The following GRIK4 variants were observed in gnomAD, a reference collection of about 807,000 sequenced individuals.
GRIK4 encodes the protein glutamate receptor ionotropic, kainate 4.
GRIK4 carries 40 observed loss-of-function variants against 104.9 expected under a neutral mutation model. The observed-to-expected ratio is 0.38, with a 90% confidence interval of 0.30 to 0.50. The LOEUF is 0.50. GRIK4 is among the 20% of genes least tolerant of loss of function. The pLI is 0.93. For synonymous variants in GRIK4, 485 were observed against 524.9 expected, an observed-to-expected ratio of 0.92 and a Z score of 1.04; for missense variants, 1,047 against 1,308.1, an observed-to-expected ratio of 0.80 and a Z score of 3.08.
At chr11:120,572,064 C>T (rs528369482) in intron 1 of GRIK4, among the ~76,000 whole-genome samples, 10 of 152,156 alleles carry the variant, frequency 6.6e-5, no homozygotes, top group African/African-American at 9.7e-5. Flanking sequence ...ATCAAGATGC[C>T]GGCGGATCCA....
At chr11:120,665,484 A>T (rs1434628616) in intron 3 of GRIK4, among the ~76,000 whole-genome samples, 1 of 152,196 alleles carries the variant, frequency 6.6e-6, no homozygotes, top group African/African-American at 2.4e-5. Flanking sequence ...TAAGCACCTT[A>T]GGGAGGCTGT....
chr11:120,921,601 C>T (rs1250137911), intron 13 of GRIK4, among the ~76,000 whole-genome samples: 2 of 151,728 alleles, frequency 1.3e-5, no homozygotes, highest in East Asian at 1.9e-4. Flanking sequence ...CCCTGCCTCC[C>T]GCTCCTGCCT....
chr11:120,804,850 C>G (rs1401636890), intron 4 of GRIK4, among the ~76,000 whole-genome samples: 2 of 152,166 alleles, frequency 1.3e-5, no homozygotes, highest in Non-Finnish European at 2.9e-5. Context: ...CTAATAACTA[C>G]TCTTGGAGAG....
intron 3 of GRIK4, among the ~76,000 whole-genome samples, chr11:120,773,260 T>G (rs990488806): frequency 6.6e-6 from 1 of 152,328 alleles, no homozygotes; most frequent in East Asian, 1.9e-4. Flanking sequence ...ATGTTCTGCC[T>G]CAAGAAGCTT....
chr11:120,772,929 T>C (rs1951975391), intron 3 of GRIK4, among the ~76,000 whole-genome samples: 1 of 152,142 alleles, frequency 6.6e-6, no homozygotes, highest in Non-Finnish European at 1.5e-5. Flanking sequence ...TGGCCAATAT[T>C]ACTATGCTAG....
At chr11:120,744,326 G>A (rs998065867) in intron 3 of GRIK4, among the ~76,000 whole-genome samples, 1 of 152,112 alleles carries the variant, frequency 6.6e-6, no homozygotes, top group African/African-American at 2.4e-5. Flanking sequence ...GGGCCTGGAC[G>A]CTGGGCACAG....
At chr11:120,834,759 CA>C (rs1370719343) in intron 7 of GRIK4, among the ~76,000 whole-genome samples, 1 of 152,198 alleles carries the variant, frequency 6.6e-6, no homozygotes, top group Admixed American at 6.5e-5. Flanking sequence ...GCGGCTGTTC[CA>C]GCAACGAACT....
intron 3 of GRIK4, among the ~76,000 whole-genome samples, chr11:120,791,575 A>G (rs775377885): frequency 1.9e-4 from 29 of 152,150 alleles, no homozygotes; most frequent in Non-Finnish European, 3.2e-4. Flanking sequence ...TTTCATTCCA[A>G]TCTTTTGAAG....
At chr11:120,762,761 A>G (rs1018684841) in intron 3 of GRIK4, among the ~76,000 whole-genome samples, 1 of 152,116 alleles carries the variant, frequency 6.6e-6, no homozygotes, top group Non-Finnish European at 1.5e-5. Context: ...CATATATTGA[A>G]CCAGCCTTGC....
At chr11:120,688,969 C>A (rs893175121) in intron 3 of GRIK4, among the ~76,000 whole-genome samples, 1 of 151,822 alleles carries the variant, frequency 6.6e-6, no homozygotes, top group African/African-American at 2.4e-5. Flanking sequence ...AGATAAAGAC[C>A]AAAGTCCTAC....
intron 3 of GRIK4, among the ~76,000 whole-genome samples, chr11:120,713,480 A>G (rs1337938951): frequency 1.3e-5 from 2 of 152,280 alleles, no homozygotes; most frequent in South Asian, 4.1e-4. Flanking sequence ...CTCTTCAGTC[A>G]TTGTCATGTT....
chr11:120,862,479 A>G (rs991056431), intron 9 of GRIK4, among the ~76,000 whole-genome samples: 1 of 152,162 alleles, frequency 6.6e-6, no homozygotes, highest in Non-Finnish European at 1.5e-5. Flanking sequence ...TTTTTCAGAT[A>G]AGGAAACTAA....
intron 3 of GRIK4, among the ~76,000 whole-genome samples, chr11:120,698,816 A>G (rs1950501069): frequency 6.6e-6 from 1 of 152,154 alleles, no homozygotes; most frequent in South Asian, 2.1e-4. Flanking sequence ...GAGGCATAAC[A>G]CAGATCTTAG....
At chr11:120,601,432 A>G (rs1436667386) in intron 1 of GRIK4, among the ~76,000 whole-genome samples, 3 of 151,988 alleles carry the variant, frequency 2.0e-5, no homozygotes, top group African/African-American at 7.2e-5. Flanking sequence ...AAACCCCAAA[A>G]GAACCTTGTC....
intron 1 of GRIK4, among the ~76,000 whole-genome samples, chr11:120,573,021 A>G (rs760295648): frequency 6.6e-6 from 1 of 152,130 alleles, no homozygotes; most frequent in African/African-American, 2.4e-5. Context: ...TCTTTTATTG[A>G]TCTAATACAG....
At position 120,558,717 on chromosome 11, in the gene GRIK4, A is replaced by G. The variant is rs147245845; in HGVS notation, c.-159+46830A>G. ...ACAACATAAATGATGGAAAATTAAC[A>G]AAGTGAGTAGATTATATACAAGTGA... On this transcript the variant is annotated intron_variant, in intron 1 of 20. Transcript: ENST00000527524. Among the ~76,000 whole-genome samples, 157 of 152,364 alleles carry G rather than the reference A, an allele frequency of 1.0e-3. 3 individuals are homozygous for G. The East Asian group carries it at 0.027, about 26-fold the overall frequency.
At chr11:120,915,587 G>A (rs967554840) in intron 13 of GRIK4, among the ~76,000 whole-genome samples, 7 of 152,106 alleles carry the variant, frequency 4.6e-5, no homozygotes, top group South Asian at 4.2e-4. Flanking sequence ...CCCTACCTGC[G>A]CTCGGTGGAG....
intron 11 of GRIK4, among the ~76,000 whole-genome samples, chr11:120,891,107 G>C (rs1418765327): frequency 3.9e-5 from 6 of 152,258 alleles, no homozygotes; most frequent in South Asian, 4.1e-4. Flanking sequence ...CTAGGCAGGA[G>C]TGAGAGCTGT....
intron 3 of GRIK4, among the ~76,000 whole-genome samples, chr11:120,781,543 G>C (rs1178066002): frequency 6.6e-6 from 1 of 151,984 alleles, no homozygotes; most frequent in Non-Finnish European, 1.5e-5. Flanking sequence ...TAGAGACAGG[G>C]GTCTCACTAT....
Sources: gnomAD v4.1 joint callset for allele counts (sites outside exome capture counted in the v4.1 genomes callset) on GRCh38, gnomAD v4.1.1 for gene constraint, MANE v1.5 for transcripts, NCBI Gene and HGNC (gene_info 2026-07-23, HGNC 2026-07-21) for gene names.